PPARGC1A: variants seen among roughly 807,000 people sequenced by gnomAD.
PPARGC1A encodes PPARG coactivator 1 alpha.
In PPARGC1A, 25 loss-of-function variants were observed where a neutral mutation model predicts 88.7. The ratio of observed to expected loss-of-function variants is 0.28; its 90% CI spans 0.21 to 0.39. The LOEUF (loss-of-function observed/expected upper bound fraction) is 0.39. Among genes scored for constraint, PPARGC1A ranks in the 10% least tolerant of loss-of-function variants. The pLI, the probability that PPARGC1A is intolerant of heterozygous loss-of-function variation, is 1.00. For synonymous variants in PPARGC1A, 363 were observed against 355.6 expected, an observed-to-expected ratio of 1.02 and a Z score of -0.24; for missense variants, 880 against 968.7, an observed-to-expected ratio of 0.91 and a Z score of 1.22.
At chr4:24,139,601 G>T in the PPARGC1A span, among the ~76,000 whole-genome samples, 1 of 152,144 alleles carries the variant, frequency 6.6e-6, no homozygotes, top group Non-Finnish European at 1.5e-5. Context: ...GAAATCCGCA[G>T]AATCTCAACA....
the PPARGC1A span, among the ~76,000 whole-genome samples, chr4:24,381,743 T>A: frequency 6.6e-6 from 1 of 152,232 alleles, no homozygotes; most frequent in Non-Finnish European, 1.5e-5. Flanking sequence ...GAATTAATTG[T>A]TGTCTAGATT....
the PPARGC1A span, among the ~76,000 whole-genome samples, chr4:24,010,663 A>G: frequency 6.6e-6 from 1 of 152,220 alleles, no homozygotes. Context: ...TGCTTTCTAT[A>G]AAAATATACA....
At chr4:23,843,827 T>A (rs1466229942) in intron 2 of PPARGC1A, among the ~76,000 whole-genome samples, 2 of 152,086 alleles carry the variant, frequency 1.3e-5, no homozygotes, top group Non-Finnish European at 2.9e-5. Flanking sequence ...TTACACAGAA[T>A]GATCACCTTT....
chr4:23,938,304 C>A, the PPARGC1A span, among the ~76,000 whole-genome samples: 2 of 152,184 alleles, frequency 1.3e-5, no homozygotes, highest in African/African-American at 2.4e-5. Context: ...AAGGTAGAGG[C>A]ACCAAGGTAC....
chr4:24,176,856 A>ACACATTCTG, the PPARGC1A span, among the ~76,000 whole-genome samples: 9 of 152,320 alleles, frequency 5.9e-5, no homozygotes, highest in East Asian at 1.7e-3. Flanking sequence ...GCCCTGTTTT[A>ACACATTCTG]CACATTCTGC....
chr4:24,189,816 C>G, the PPARGC1A span, among the ~76,000 whole-genome samples: 1 of 152,118 alleles, frequency 6.6e-6, no homozygotes, highest in South Asian at 2.1e-4. Flanking sequence ...GCCTACTATG[C>G]TCCACAGTGT....
Position 23,831,594 on chromosome 4 carries a change from C to T in PPARGC1A, c.392G>A (p.Gly131Asp), listed in dbSNP as rs762420400. The T allele has an allele frequency of 2.5e-6, 4 of 1,614,064 alleles. No individual in the cohort carries two copies. The highest frequency in any genetic ancestry group is 1.1e-5 in the South Asian group (1 of 91,080). ...TTCTGCCTCCTGGGGTGGAGGGGTG[C>T]CGTCAGGCATGGAGGAAGGACTAGC... is the stretch of plus-strand genomic sequence containing the variant. ...NEASPSSMPD[G>D]TPPPQEAEEP... The change falls in exon 3 of 13, where the codon GGC (glycine) becomes GAC (aspartate). Residue 131 changes from glycine (G) to aspartate (D), a missense_variant. Transcript: ENST00000264867.
chr4:23,831,679 C>T lies in PPARGC1A; in HGVS notation c.307G>A (p.Glu103Lys), dbSNP rs1381870292. The change falls in exon 3 of 13, where the codon GAA becomes AAA. Residue 103 changes from glutamate (E) to lysine (K), a missense_variant. Physicochemically the swap from Glu to Lys is moderately conservative, Grantham distance 56. Coordinates refer to ENST00000264867, the MANE Select transcript of PPARGC1A (RefSeq NM_013261.5). ...GCATCAAATGAGGGCAATCCGTCTT[C>T]ATCCACAGGGAGACTGTCTAGTGTC... ...TETLDSLPVD[E>K]DGLPSFDALT... 1 of 1,613,898 alleles carries T rather than the reference C, an allele frequency of 6.2e-7. No individual in the cohort carries two copies. The highest frequency in any genetic ancestry group is 8.5e-7 in the Non-Finnish European group (1 of 1,179,886).
chr4:24,434,488 G>C, the PPARGC1A span, among the ~76,000 whole-genome samples: 2 of 152,130 alleles, frequency 1.3e-5, no homozygotes, highest in Non-Finnish European at 2.9e-5. Flanking sequence ...TTATCTTCTG[G>C]CGGACTCAGT....
chr4:23,876,066 A>T (rs1292005081), intron 2 of PPARGC1A: 1 of 152,296 alleles, frequency 6.6e-6, no homozygotes, highest in East Asian at 1.9e-4. Flanking sequence ...CATTTTTATT[A>T]ACAGTTACTT....
At chr4:24,122,785 C>T in the PPARGC1A span, among the ~76,000 whole-genome samples, 1 of 152,064 alleles carries the variant, frequency 6.6e-6, no homozygotes, top group Non-Finnish European at 1.5e-5. Context: ...GGAGTTGAAT[C>T]CTAAATGATT....
chr4:24,137,819 C>G, the PPARGC1A span, among the ~76,000 whole-genome samples: 2 of 152,138 alleles, frequency 1.3e-5, no homozygotes, highest in African/African-American at 2.4e-5. Context: ...ACAGCTTTTT[C>G]AAAATCCTTT....
the PPARGC1A span, among the ~76,000 whole-genome samples, chr4:24,439,693 T>C: frequency 1.3e-5 from 2 of 152,250 alleles, no homozygotes; most frequent in South Asian, 2.1e-4. Flanking sequence ...ACAGTAGGCA[T>C]AGGGATTCTG....
chr4:24,452,780 G>A, the PPARGC1A span, among the ~76,000 whole-genome samples: 8 of 152,078 alleles, frequency 5.3e-5, no homozygotes, highest in East Asian at 1.9e-4. Flanking sequence ...AAAAAATAGC[G>A]GCAAAAAATA....
At chr4:24,351,204 C>G in the PPARGC1A span, among the ~76,000 whole-genome samples, 15 of 148,416 alleles carry the variant, frequency 1.0e-4, no homozygotes, top group African/African-American at 3.7e-4. Context: ...GCACTCCAGC[C>G]TGAGTGACAG....
Position 23,813,396 on chromosome 4 carries a change from A to G in PPARGC1A, c.1794-271T>C, listed in dbSNP as rs536286702. On this transcript the variant is annotated intron_variant, in intron 8 of 12. Coordinates refer to ENST00000264867, the MANE Select transcript of PPARGC1A (RefSeq NM_013261.5). ...GCTTTATCTTGCATGGATCTCCACTATCCTGGCACAGGGCAGCTCTCCAGG... is the reference window on the plus strand; with the variant it reads ...GCTTTATCTTGCATGGATCTCCACTGTCCTGGCACAGGGCAGCTCTCCAGG... Among the ~76,000 whole-genome samples, 5 of 152,310 alleles carry G rather than the reference A, an allele frequency of 3.3e-5. No individual in the cohort carries two copies. The East Asian group carries it at 7.7e-4, about 24-fold the overall frequency.
the PPARGC1A span, among the ~76,000 whole-genome samples, chr4:24,316,960 G>A: frequency 6.6e-6 from 1 of 151,828 alleles, no homozygotes; most frequent in Non-Finnish European, 1.5e-5. Flanking sequence ...GTGGAGGGGA[G>A]AGGAAATTTA....
the PPARGC1A span, among the ~76,000 whole-genome samples, chr4:24,286,714 C>T: frequency 5.3e-5 from 8 of 152,316 alleles, no homozygotes; most frequent in Non-Finnish European, 7.3e-5. Flanking sequence ...TGCTGTGTAA[C>T]AAATCACCCC....
chr4:24,287,729 A>C, the PPARGC1A span, among the ~76,000 whole-genome samples: 2 of 152,064 alleles, frequency 1.3e-5, no homozygotes, highest in Non-Finnish European at 1.5e-5. Context: ...ATACCAAGGA[A>C]GACAGCAGTA....
Sources: gnomAD v4.1 joint callset for allele counts (sites outside exome capture counted in the v4.1 genomes callset) on GRCh38, gnomAD v4.1.1 for gene constraint, MANE v1.5 for transcripts, NCBI Gene and HGNC (gene_info 2026-07-23, HGNC 2026-07-21) for gene names.